Variants in SPATA7 observed in about 807,000 individuals in gnomAD.
The protein encoded by SPATA7 is spermatogenesis associated 7, also known as spermatogenesis-associated protein 7.
A neutral mutation model predicts 51.8 loss-of-function variants in SPATA7; 43 were observed. That is an observed-to-expected ratio of 0.83 (90% CI 0.65 to 1.07). SPATA7 has a LOEUF of 1.07. SPATA7 is among the 50% of genes least tolerant of loss of function. The pLI, the probability that SPATA7 is intolerant of heterozygous loss-of-function variation, is 0.00. For synonymous variants in SPATA7, 230 were observed against 252.8 expected, an observed-to-expected ratio of 0.91 and a Z score of 0.86; for missense variants, 683 against 701.3, an observed-to-expected ratio of 0.97 and a Z score of 0.30.
intron 4 of SPATA7, among the ~76,000 whole-genome samples, chr14:88,464,496 C>T (rs555102754): frequency 4.6e-5 from 7 of 152,156 alleles, no homozygotes; most frequent in South Asian, 2.1e-4. Flanking sequence ...TTTGGGAGGC[C>T]GATGCTGGCA....
In SPATA7 at chr14:88,385,662, A is replaced by C; in HGVS notation, c.-157A>C. The stretch of plus-strand genomic sequence containing the variant: ...TGACGTCACAATAGCGACTCACTGG[A>C]CCCAGCCCTTAGCAACGGCCTGGCA... On this transcript the variant is annotated 5_prime_UTR_variant, in exon 1 of 12. Transcript: ENST00000393545. The C allele has an allele frequency of 1.3e-6, 1 of 746,102 alleles. No individual in the cohort carries two copies. The highest frequency in any genetic ancestry group is 2.4e-6 in the Non-Finnish European group (1 of 423,710). The allele number at this position is 746,102 out of a possible 1,614,324, so 46.2% of individuals were successfully genotyped here.
At chr14:88,464,231 G>A (rs2077338428) in intron 4 of SPATA7, among the ~76,000 whole-genome samples, 1 of 152,116 alleles carries the variant, frequency 6.6e-6, no homozygotes, top group African/African-American at 2.4e-5. Context: ...TTTGAGAAAT[G>A]TTTTCCCAGG....
chr14:88,396,022 A>G, intron 3 of SPATA7, 134 bp from the exon 4 acceptor site: 1 of 725,182 alleles, frequency 1.4e-6, no homozygotes, highest in Non-Finnish European at 2.5e-6. Flanking sequence ...TTTTTAATCA[A>G]GGATCTTGTG....
rs1434199864 is a variant in SPATA7 at position 88,443,771 on chromosome 14, A to G, written c.177+5868A>G. On this transcript the variant is annotated intron_variant, in intron 3 of 3. Transcript: ENST00000554802. ...TCCTTGAGATAGTTTGCTCAGAATGATGGTTTCCAGCTTCATCCATGTTCC... is the reference window on the plus strand; with the variant it reads ...TCCTTGAGATAGTTTGCTCAGAATGGTGGTTTCCAGCTTCATCCATGTTCC... 2.6e-5 allele frequency among the ~76,000 whole-genome samples: 4 copies of G among 152,134 alleles called. No homozygotes were observed. The East Asian group carries it at 7.7e-4, about 29-fold the overall frequency.
chr14:88,425,489 A>G (rs1472119495), intron 5 of SPATA7, among the ~76,000 whole-genome samples: 1 of 152,158 alleles, frequency 6.6e-6, no homozygotes, highest in Non-Finnish European at 1.5e-5. Flanking sequence ...ATGTGTCCGT[A>G]AGGGCTGAAG....
At chr14:88,438,828 G>C (rs1022089335), downstream of SPATA7, among the ~76,000 whole-genome samples, 13 of 152,202 alleles carry the variant, frequency 8.5e-5, no homozygotes, top group Admixed American at 3.3e-4. Flanking sequence ...GTGGCTGCTT[G>C]CTTTTTTAAG....
Position 88,426,245 on chromosome 14 carries a change from C to T in SPATA7, c.386C>T (p.Pro129Leu), listed in dbSNP as rs374126653. Residue 129 changes from proline (P) to leucine (L), a missense_variant, in exon 6 of 12, where the codon CCG becomes CTG. Pro to Leu is a moderately conservative substitution (Grantham distance 98). Coordinates refer to ENST00000393545, the MANE Select transcript of SPATA7 (RefSeq NM_018418.5). ...FNTLQKPSGE[P>L]QIEDDMLKEE... is the part of the protein sequence containing the mutation. ...GAATGTTCTTAGCCCTCAGGCGAAC[C>T]GCAAATTGAGGATGACATGTTAAAA... 3.9e-5 allele frequency: 63 copies of T among 1,613,438 alleles called. No individual in the cohort carries two copies. The highest frequency in any genetic ancestry group is 2.7e-4 in the South Asian group (25 of 91,048).
At position 88,429,226 on chromosome 14, in the gene SPATA7, G is replaced by A. The variant is rs183689533; in HGVS notation, c.913-122G>A. On this transcript the variant is annotated intron_variant, in intron 7 of 11. Transcript: ENST00000393545. ...AAATTATTCTAAAATATTCTTTGTCGTACTGTATAATTTTTATCTACTGGA... is the reference window on the plus strand; with the variant it reads ...AAATTATTCTAAAATATTCTTTGTCATACTGTATAATTTTTATCTACTGGA... 305 of 629,180 alleles carry A rather than the reference G, an allele frequency of 4.8e-4. 4 individuals carry two copies. Among genetic ancestry groups the A allele is most frequent in the East Asian group, 1.0e-3 (36 of 34,486 alleles). 39.0% of individuals were successfully genotyped at this position (629,180 alleles called of 1,614,324 possible). A position where few individuals can be genotyped will look rare whatever the true frequency, so the allele number is the denominator to read the frequency against.
intron 4 of SPATA7, among the ~76,000 whole-genome samples, chr14:88,398,532 T>C (rs951858984): frequency 4.7e-5 from 7 of 148,274 alleles, no homozygotes; most frequent in African/African-American, 1.7e-4. Flanking sequence ...TAATGCTAGA[T>C]GACGAGTTAG....
chr14:88,407,281 G>C (rs1034094671), intron 4 of SPATA7, among the ~76,000 whole-genome samples: 1 of 152,144 alleles, frequency 6.6e-6, no homozygotes, highest in Non-Finnish European at 1.5e-5. Context: ...AGCATCTGTT[G>C]TTTCCTGACT....
Position 88,416,570 on chromosome 14 carries a change from T to A in SPATA7, c.239-141T>A. ...ATTTTTAAAATGTGTTAGTAACTCT[T>A]TATATAGGAAAATAAATGGATTTTT... On this transcript the variant is annotated intron_variant, in intron 4 of 11. Coordinates refer to ENST00000393545, the MANE Select transcript of SPATA7 (RefSeq NM_018418.5). 3 of 783,018 alleles carry A rather than the reference T, an allele frequency of 3.8e-6. No individual in the cohort carries two copies. The South Asian group carries it at 5.5e-5, about 14-fold the overall frequency. The allele number at this position is 783,018 out of a possible 1,614,324, so 48.5% of individuals were successfully genotyped here.
At chr14:88,462,645 G>A (rs890058250) in intron 4 of SPATA7, among the ~76,000 whole-genome samples, 1 of 152,202 alleles carries the variant, frequency 6.6e-6, no homozygotes, top group African/African-American at 2.4e-5. Context: ...TATGTCGCTT[G>A]TGTACTGCTA....
intron 7 of SPATA7, chr14:88,428,175 G>A (rs2076847930): frequency 6.6e-6 from 1 of 151,806 alleles, no homozygotes; most frequent in African/African-American, 2.4e-5. Flanking sequence ...CCATGAAGCT[G>A]TTTATTACAG....
chr14:88,408,045 G>T (rs1249377072), intron 4 of SPATA7, among the ~76,000 whole-genome samples: 2 of 152,156 alleles, frequency 1.3e-5, no homozygotes, highest in East Asian at 1.9e-4. Flanking sequence ...GTAGTGTGAT[G>T]CCTCCAGCTT....
rs541379061 is a variant in SPATA7, at chr14:88,461,412, A to G, written c.255-8435A>G. Among the ~76,000 whole-genome samples the G allele has an allele frequency of 2.0e-3, 312 of 152,222 alleles. 2 individuals carry two copies. The highest frequency in any genetic ancestry group is 0.02 in the Middle Eastern group (6 of 294). ...CCTACTCAAGCCTCAGCAATGGTGG[A>G]TGCCCCTCCCCCAGCCTCGCTGCCA... is the stretch of plus-strand genomic sequence containing the variant. On this transcript the variant is annotated intron_variant, in intron 4 of 4. Coordinates refer to the SPATA7 transcript ENST00000556406.
intron 10 of SPATA7, among the ~76,000 whole-genome samples, chr14:88,436,579 C>T: frequency 6.6e-6 from 1 of 152,120 alleles, no homozygotes; most frequent in Non-Finnish European, 1.5e-5. Context: ...AGCCTTTCAT[C>T]TATTTTGATT....
chr14:88,458,333 G>A (rs1473864758), downstream of SPATA7, among the ~76,000 whole-genome samples: 2 of 152,058 alleles, frequency 1.3e-5, no homozygotes, highest in African/African-American at 4.8e-5. Flanking sequence ...AGTAGAATTC[G>A]GCTGTGAATC....
intron 2 of SPATA7, chr14:88,391,725 C>T (rs1403176765): frequency 2.0e-6 from 1 of 499,594 alleles, no homozygotes; most frequent in Non-Finnish European, 3.7e-6. Context: ...CAGGAAACTA[C>T]CCTGATTTAA....
intron 4 of SPATA7, among the ~76,000 whole-genome samples, chr14:88,411,022 A>G (rs185201012): frequency 2.0e-5 from 3 of 151,574 alleles, no homozygotes; most frequent in Non-Finnish European, 2.9e-5. Flanking sequence ...AGTTTTATCT[A>G]TAAGCCCCTG....
Sources: gnomAD v4.1 joint callset for allele counts (sites outside exome capture counted in the v4.1 genomes callset) on GRCh38, gnomAD v4.1.1 for gene constraint, MANE v1.5 for transcripts, NCBI Gene and HGNC (gene_info 2026-07-23, HGNC 2026-07-21) for gene names.